SOX5: variants seen among roughly 807,000 people sequenced by gnomAD.
SOX5 encodes the protein transcription factor SOX-5.
SOX5 carries 9 observed loss-of-function variants against 92.0 expected under a neutral mutation model. That is an observed-to-expected ratio of 0.10 (90% CI 0.06 to 0.17). The LOEUF (loss-of-function observed/expected upper bound fraction) is 0.17. Ranked by LOEUF, SOX5 falls within the 10% of genes least tolerant of loss-of-function variation. The pLI is 1.00. For synonymous variants in SOX5, 344 were observed against 336.3 expected, an observed-to-expected ratio of 1.02 and a Z score of -0.25; for missense variants, 642 against 944.5, an observed-to-expected ratio of 0.68 and a Z score of 4.20.
At chr12:24,350,426 C>A (rs1237494326) in intron 2 of SOX5, among the ~76,000 whole-genome samples, 1 of 152,210 alleles carries the variant, frequency 6.6e-6, no homozygotes, top group Non-Finnish European at 1.5e-5. Context: ...CTCACTGCAA[C>A]CTCAACCTCC....
At chr12:23,710,670 T>C (rs921289530) in intron 6 of SOX5, among the ~76,000 whole-genome samples, 1 of 152,218 alleles carries the variant, frequency 6.6e-6, no homozygotes, top group Non-Finnish European at 1.5e-5. Flanking sequence ...TTCCAAGTCT[T>C]TGCTATTGTG....
intron 4 of SOX5, among the ~76,000 whole-genome samples, chr12:24,058,127 T>G (rs1217192864): frequency 6.6e-6 from 1 of 152,282 alleles, no homozygotes; most frequent in Non-Finnish European, 1.5e-5. Flanking sequence ...AAAGGGTTAA[T>G]GACAGATGTT....
rs920294946 is a variant in SOX5, at chr12:23,719,765, CA to C, written c.810+14918del. Among the ~76,000 whole-genome samples, 3 of 17,606 alleles carry C rather than the reference CA, an allele frequency of 1.7e-4. 1 individual carries two copies. Among genetic ancestry groups the C allele is most frequent in the South Asian group, 3.3e-3 (2 of 598 alleles). 11.6% of individuals were successfully genotyped at this position (17,606 alleles called of 152,430 possible). On this transcript the variant is annotated intron_variant, in intron 6 of 14. Coordinates refer to ENST00000451604, the MANE Select transcript of SOX5 (RefSeq NM_006940.6). ...GGGCAACAGAGTGAGACCCTGCTTT[CA>C]AAAAAAACCCCAGCTATTTACCAAA... is the stretch of plus-strand genomic sequence containing the variant.
chr12:24,182,565 G>T (rs1183423824), intron 4 of SOX5, among the ~76,000 whole-genome samples: 20 of 151,588 alleles, frequency 1.3e-4, no homozygotes. Flanking sequence ...ATGCTATTGG[G>T]ACTCTTTTTT....
In SOX5 at chr12:24,328,013, G is replaced by A. The variant is rs116388700; in HGVS notation, c.-174+40550C>T. On this transcript the variant is annotated intron_variant, in intron 2 of 4. Transcript: ENST00000446891. ...AGCCGCAATAGAGACTTTTGAATGT[G>A]AGTGTCAGAACTAGAACTCGGATCC... Among the ~76,000 whole-genome samples, 1,194 of 152,210 alleles carry A rather than the reference G, an allele frequency of 7.8e-3. 14 individuals carry two copies. The highest frequency in any genetic ancestry group is 0.027 in the African/African-American group (1,136 of 41,528).
chr12:23,617,786 A>T (rs2076739197), intron 8 of SOX5, among the ~76,000 whole-genome samples: 1 of 150,906 alleles, frequency 6.6e-6, no homozygotes, highest in Admixed American at 6.6e-5. Context: ...AACAGCTAGA[A>T]AAAAAAAACA....
chr12:24,238,026 ACT>A (rs1202023889), intron 3 of SOX5: 1 of 152,106 alleles, frequency 6.6e-6, no homozygotes, highest in Non-Finnish European at 1.5e-5. Context: ...AAGAGGAACA[ACT>A]CTCTCTATAA....
At chr12:23,579,585 A>C (rs764871619) in intron 9 of SOX5, among the ~76,000 whole-genome samples, 1 of 152,158 alleles carries the variant, frequency 6.6e-6, no homozygotes, top group Non-Finnish European at 1.5e-5. Context: ...TGAAAATTTA[A>C]AAATCTTAAC....
At chr12:23,845,894 G>C in intron 3 of SOX5, 89 bp downstream of exon 3, 1 of 1,102,106 alleles carries the variant, frequency 9.1e-7, no homozygotes. Flanking sequence ...AACTTTAAGA[G>C]TATAAATCAA....
At chr12:23,833,430 A>G (rs1044567122) in intron 3 of SOX5, among the ~76,000 whole-genome samples, 6 of 152,026 alleles carry the variant, frequency 3.9e-5, no homozygotes, top group African/African-American at 1.4e-4. Context: ...AACAAGTTAC[A>G]GCTTTAAATT....
intron 4 of SOX5, among the ~76,000 whole-genome samples, chr12:23,752,006 T>C (rs564216914): frequency 4.1e-4 from 62 of 150,488 alleles, no homozygotes; most frequent in African/African-American, 1.5e-3. Flanking sequence ...GCACTTTTGT[T>C]AAAAACAGAT....
intron 7 of SOX5, among the ~76,000 whole-genome samples, chr12:23,646,825 C>A (rs1316742437): frequency 1.3e-5 from 2 of 152,176 alleles, no homozygotes; most frequent in Non-Finnish European, 2.9e-5. Context: ...AATTCTAGTT[C>A]TACTGCTATT....
intron 4 of SOX5, among the ~76,000 whole-genome samples, chr12:23,967,546 G>C (rs538971982): frequency 1.3e-5 from 2 of 151,978 alleles, no homozygotes; most frequent in African/African-American, 4.8e-5. Flanking sequence ...CCAGAGAGGT[G>C]ACTTTTCTGA....
At chr12:23,952,785 A>G (rs1309047808), upstream of SOX5, among the ~76,000 whole-genome samples, 2 of 152,170 alleles carry the variant, frequency 1.3e-5, no homozygotes, top group African/African-American at 4.8e-5. Flanking sequence ...GATCTTACAG[A>G]GTAGAAAGGG....
chr12:24,190,060 C>A (rs560300375), intron 4 of SOX5, among the ~76,000 whole-genome samples: 3 of 152,260 alleles, frequency 2.0e-5, no homozygotes, highest in African/African-American at 7.2e-5. Context: ...AAAAAAGTTT[C>A]ATGTATTATT....
chr12:24,443,062 C>T (rs1940904634), intron 1 of SOX5, among the ~76,000 whole-genome samples: 1 of 150,192 alleles, frequency 6.7e-6, no homozygotes, highest in Non-Finnish European at 1.5e-5. Flanking sequence ...AGCAATTCTC[C>T]TGCCTCAGCC....
chr12:23,881,887 GTCTA>G (rs2096995320), intron 2 of SOX5, among the ~76,000 whole-genome samples: 2 of 152,160 alleles, frequency 1.3e-5, no homozygotes, highest in South Asian at 2.1e-4. Flanking sequence ...GGAAACATGT[GTCTA>G]TCTATGTAAA....
At chr12:23,836,507 C>G (rs1434625946) in intron 3 of SOX5, among the ~76,000 whole-genome samples, 1 of 151,982 alleles carries the variant, frequency 6.6e-6, no homozygotes, top group Non-Finnish European at 1.5e-5. Context: ...TGAAAGAGAG[C>G]TGTCTCTTCT....
chr12:23,972,990 C>T (rs574723648), intron 4 of SOX5, among the ~76,000 whole-genome samples: 101 of 152,206 alleles, frequency 6.6e-4, no homozygotes, highest in South Asian at 6.2e-3. Flanking sequence ...TCCCCCCAAG[C>T]CTCAAGTAGC....
Sources: gnomAD v4.1 joint callset for allele counts (sites outside exome capture counted in the v4.1 genomes callset) on GRCh38, gnomAD v4.1.1 for gene constraint, MANE v1.5 for transcripts, NCBI Gene and HGNC (gene_info 2026-07-23, HGNC 2026-07-21) for gene names.